The following MYCBP variants were observed in gnomAD, a reference collection of about 807,000 sequenced individuals.
MYCBP encodes MYC binding protein.
Under a neutral mutation model 16.8 loss-of-function variants are expected in MYCBP, and 5 were observed. The ratio of observed to expected loss-of-function variants is 0.30; its 90% CI spans 0.16 to 0.63. The LOEUF (loss-of-function observed/expected upper bound fraction) is 0.63, where lower values mean the gene tolerates loss of function less well. Ranked by LOEUF, MYCBP falls within the 20% of genes least tolerant of loss-of-function variation. MYCBP has a pLI of 0.83. For missense variants in MYCBP, 103 were observed against 121.8 expected, an observed-to-expected ratio of 0.85 and a Z score of 0.73; for synonymous variants, 35 against 43.7, an observed-to-expected ratio of 0.80 and a Z score of 0.79.
intron 2 of MYCBP, 115 bp downstream of exon 2, chr1:38,872,903 C>T: frequency 1.6e-6 from 2 of 1,251,124 alleles, no homozygotes; most frequent in Non-Finnish European, 2.2e-6. Context: ...TCGCTGGACC[C>T]CGGACGGGCC....
intron 2 of MYCBP, among the ~76,000 whole-genome samples, 177 bp from the exon 3 acceptor site, chr1:38,867,787 C>A (rs1438595919): frequency 6.6e-6 from 1 of 152,108 alleles, no homozygotes; most frequent in African/African-American, 2.4e-5. Context: ...TACAGTCAAG[C>A]ATAAAAGATA....
At chr1:38,873,365 C>T (rs1642512188), upstream of MYCBP, 2 of 1,577,452 alleles carry the variant, frequency 1.3e-6, no homozygotes, top group Middle Eastern at 1.7e-4. Context: ...TTGGGAGCAG[C>T]ACTGCTCATG....
rs1642263689 is a variant in MYCBP, at chr1:38,862,514, T to C, written c.*2156A>G. 2.0e-5 allele frequency among the ~76,000 whole-genome samples: 3 copies of C among 152,250 alleles called. No homozygotes were observed. Among genetic ancestry groups the C allele is most frequent in the African/African-American group, 4.8e-5 (2 of 41,472 alleles). ...GCACTTTTACATCCATTATATTTAA[T>C]TTGATTCTTACAACCAACTTGTGAG... On this transcript the variant is annotated 3_prime_UTR_variant, in exon 5 of 5. Coordinates refer to ENST00000397572, the MANE Select transcript of MYCBP (RefSeq NM_012333.5).
At chr1:38,873,152 G>C in intron 1 of MYCBP, 62 bp from the exon 2 acceptor site, 1 of 1,551,508 alleles carries the variant, frequency 6.4e-7, no homozygotes, top group East Asian at 2.4e-5. Flanking sequence ...AAGGCGCTGG[G>C]AGTCCGGCAA....
At chr1:38,870,825 A>AC (rs1642448187) in intron 2 of MYCBP, among the ~76,000 whole-genome samples, 4 of 148,654 alleles carry the variant, frequency 2.7e-5, no homozygotes, top group Admixed American at 2.0e-4. Context: ...AAAAAAAAAA[A>AC]AAACAAATAG....
Position 38,873,334 on chromosome 1 carries a change from C to T in MYCBP, c.-29G>A. On this transcript the variant is annotated 5_prime_UTR_variant, in exon 1 of 5. Coordinates refer to ENST00000397572, the MANE Select transcript of MYCBP (RefSeq NM_012333.5). ...GACAGCGGCAGCGGCGTAGCTGGCG[C>T]CGGAGACCGCGACTGGCGGGTTGGG... The T allele has an allele frequency of 6.3e-7, 1 of 1,598,776 alleles. No individual in the cohort carries two copies.
chr1:38,865,328 T>A (rs957332146), intron 4 of MYCBP, among the ~76,000 whole-genome samples: 3 of 152,230 alleles, frequency 2.0e-5, no homozygotes, highest in African/African-American at 7.2e-5. Flanking sequence ...TTTCCTCACC[T>A]ATAAAGTGGC....
At chr1:38,865,459 T>C (rs565101524) in intron 4 of MYCBP, among the ~76,000 whole-genome samples, 2 of 152,296 alleles carry the variant, frequency 1.3e-5, no homozygotes, top group African/African-American at 4.8e-5. Flanking sequence ...CTGAAAGACT[T>C]AAGAGTTGAC....
At chr1:38,870,169 C>CAAAA (rs1221257996) in intron 2 of MYCBP, among the ~76,000 whole-genome samples, 8 of 77,154 alleles carry the variant, frequency 1.0e-4, no homozygotes, top group Non-Finnish European at 1.8e-4. Context: ...GACTCCGTCT[C>CAAAA]AAAAAAAAAA....
intron 4 of MYCBP, among the ~76,000 whole-genome samples, chr1:38,865,187 T>C (rs1642310748): frequency 6.6e-6 from 1 of 152,236 alleles, no homozygotes; most frequent in Admixed American, 6.5e-5. Context: ...TGTGGAATCT[T>C]GGATAATTTA....
chr1:38,872,744 GGCTGCTGGAGGCAAA>G (rs1642491931), intron 2 of MYCBP: 2 of 494,222 alleles, frequency 4.0e-6, no homozygotes, highest in African/African-American at 4.0e-5. Context: ...TGTCCACTGC[GGCTGCTGGAGGCAAA>G]GCAACGGAAG....
At position 38,862,700 on chromosome 1, in the gene MYCBP, A is replaced by G. The variant is rs1362869046; in HGVS notation, c.*1970T>C. Among the ~76,000 whole-genome samples, 1 of 152,232 alleles carries G rather than the reference A, an allele frequency of 6.6e-6. No homozygotes were observed. The highest frequency in any genetic ancestry group is 1.9e-4 in the East Asian group (1 of 5,202). On this transcript the variant is annotated 3_prime_UTR_variant, in exon 5 of 5. Coordinates refer to ENST00000397572, the MANE Select transcript of MYCBP (RefSeq NM_012333.5). ...TGTTGAAGAGGACCTCTAGAGGCTA[A>G]GCTTATCCTGAATTCTTAAATAGCA... is the stretch of plus-strand genomic sequence containing the variant.
intron 2 of MYCBP, chr1:38,872,574 T>G (rs1379384266): frequency 1.8e-5 from 3 of 167,288 alleles, no homozygotes; most frequent in Non-Finnish European, 2.6e-5. Flanking sequence ...ATCTCCTACT[T>G]TGGGGATTAG....
intron 4 of MYCBP, 124 bp downstream of exon 4, chr1:38,866,756 A>G (rs947103837): frequency 1.9e-5 from 16 of 849,016 alleles, no homozygotes; most frequent in Admixed American, 5.8e-5. Flanking sequence ...TTGGCCTTAC[A>G]TTGTAATTAA....
intron 2 of MYCBP, 108 bp downstream of exon 2, chr1:38,872,910 G>T: frequency 7.7e-7 from 1 of 1,297,034 alleles, no homozygotes; most frequent in Non-Finnish European, 1.1e-6. Context: ...ACCCCGGACG[G>T]GCCCCATCTG....
At chr1:38,866,666 C>T (rs1254467520) in intron 4 of MYCBP, among the ~76,000 whole-genome samples, 12 of 152,270 alleles carry the variant, frequency 7.9e-5, no homozygotes, top group African/African-American at 2.6e-4. Flanking sequence ...CTACCCACCT[C>T]GGCCTCCCAA....
intron 3 of MYCBP, 92 bp downstream of exon 3, chr1:38,867,470 T>C: frequency 9.7e-7 from 1 of 1,025,994 alleles, no homozygotes; most frequent in South Asian, 1.6e-5. Context: ...AAAAAGTAAC[T>C]TTCTCAATAT....
At chr1:38,870,716 C>T (rs991429006) in intron 2 of MYCBP, among the ~76,000 whole-genome samples, 8 of 137,652 alleles carry the variant, frequency 5.8e-5, no homozygotes, top group Non-Finnish European at 1.2e-4. Flanking sequence ...TGGCGTGAAC[C>T]CGGGAAGCGG....
In MYCBP at chr1:38,864,350, G is replaced by A. The variant is rs1267682543; in HGVS notation, c.*320C>T. ...GAACTGCACCAAGGAATAGCTCCAT[G>A]CTAAACTGTCTTGGCTAAAATACAA... is the stretch of plus-strand genomic sequence containing the variant. On this transcript the variant is annotated 3_prime_UTR_variant, in exon 5 of 5. Coordinates refer to ENST00000397572, the MANE Select transcript of MYCBP (RefSeq NM_012333.5). The A allele has an allele frequency of 1.1e-5, 4 of 372,164 alleles. No homozygotes were observed. Among genetic ancestry groups the A allele is most frequent in the Non-Finnish European group, 1.5e-5 (3 of 198,254 alleles). 23.1% of individuals were successfully genotyped at this position (372,164 alleles called of 1,614,324 possible). A position where few individuals can be genotyped will look rare whatever the true frequency, so the allele number is the denominator to read the frequency against.
Sources: allele counts gnomAD v4.1 joint callset (sites outside exome capture counted in the v4.1 genomes callset), GRCh38; gene constraint gnomAD v4.1.1; transcripts MANE v1.5; gene names NCBI Gene and HGNC (gene_info 2026-07-23, HGNC 2026-07-21).